Variants in THRB observed in about 807,000 individuals in gnomAD.
The protein encoded by THRB is thyroid hormone receptor beta.
A neutral mutation model predicts 47.8 loss-of-function variants in THRB; 12 were observed. That is an observed-to-expected ratio of 0.25 (90% confidence interval 0.16 to 0.41). THRB has a LOEUF of 0.41. Ranked by LOEUF, THRB falls within the 10% of genes least tolerant of loss-of-function variation. The pLI, the probability that THRB is intolerant of heterozygous loss-of-function variation, is 1.00. For missense variants in THRB, 348 were observed against 589.2 expected, an observed-to-expected ratio of 0.59 and a Z score of 4.24; for synonymous variants, 218 against 212.2, an observed-to-expected ratio of 1.03 and a Z score of -0.24.
rs1382498220 is a variant in THRB at position 24,436,775 on chromosome 3, T to G, written c.-261+57877A>C. On this transcript the variant is annotated intron_variant, in intron 1 of 10. Coordinates refer to ENST00000646209, the MANE Select transcript of THRB (RefSeq NM_001354712.2). The stretch of plus-strand genomic sequence containing the variant: ...TGGGCCAAGCTTCTTCGAAATGCTC[T>G]GAGCACTTCTCATTTACCAGGAAAG... Among the ~76,000 whole-genome samples the G allele has an allele frequency of 2.0e-5, 3 of 152,182 alleles. No homozygotes were observed. In the East Asian group the frequency reaches 5.8e-4, roughly 29 times the overall value.
At chr3:24,297,194 T>G (rs1182012832) in intron 3 of THRB, 32 bp downstream of exon 3, 1 of 152,238 alleles carries the variant, frequency 6.6e-6, no homozygotes, top group East Asian at 1.9e-4. Flanking sequence ...CCATTTCTTA[T>G]CACCACACAG....
chr3:24,201,921 T>C (rs573753661), intron 4 of THRB, among the ~76,000 whole-genome samples: 1 of 152,290 alleles, frequency 6.6e-6, no homozygotes, highest in South Asian at 2.1e-4. Context: ...TAGGCACTCA[T>C]TTTGATCAGT....
chr3:24,200,822 T>C (rs1014686832), intron 4 of THRB, among the ~76,000 whole-genome samples: 1 of 152,210 alleles, frequency 6.6e-6, no homozygotes, highest in Non-Finnish European at 1.5e-5. Flanking sequence ...TAATAGCAGG[T>C]GAGGTTTTTA....
At chr3:24,168,831 GA>G (rs571112071) in intron 5 of THRB, among the ~76,000 whole-genome samples, 189 of 151,798 alleles carry the variant, frequency 1.2e-3, no homozygotes, top group Non-Finnish European at 1.9e-3. Context: ...GGCACGCTAG[GA>G]AAGAACGAAA....
At chr3:24,170,324 G>T (rs75718495) in intron 5 of THRB, among the ~76,000 whole-genome samples, 2 of 152,070 alleles carry the variant, frequency 1.3e-5, no homozygotes, top group Non-Finnish European at 2.9e-5. Context: ...CTGCCATCTC[G>T]CAGTCCAATC....
intron 6 of THRB, among the ~76,000 whole-genome samples, chr3:24,151,325 T>G (rs1420883660): frequency 6.6e-6 from 1 of 152,088 alleles, no homozygotes; most frequent in Non-Finnish European, 1.5e-5. Context: ...TGAGCTAACA[T>G]GTTGATTTGG....
At chr3:24,303,562 G>A (rs2057113659) in intron 2 of THRB, among the ~76,000 whole-genome samples, 1 of 152,106 alleles carries the variant, frequency 6.6e-6, no homozygotes, top group Non-Finnish European at 1.5e-5. Context: ...GTGCAAGCAG[G>A]CCCAGCTGAG....
chr3:24,198,460 CCCCCCCT>C (rs1234215220), intron 4 of THRB, among the ~76,000 whole-genome samples: 1 of 93,694 alleles, frequency 1.1e-5, no homozygotes, highest in African/African-American at 3.6e-5. Context: ...CCGCCCCCCC[CCCCCCCT>C]TTTTTTTTTA....
chr3:24,256,876 A>G (rs565313064), intron 3 of THRB, among the ~76,000 whole-genome samples: 2 of 152,326 alleles, frequency 1.3e-5, no homozygotes, highest in South Asian at 2.1e-4. Flanking sequence ...TTGAACAGAG[A>G]TATTTAGTAG....
At chr3:24,463,144 G>A (rs2073843304) in intron 1 of THRB, among the ~76,000 whole-genome samples, 1 of 152,210 alleles carries the variant, frequency 6.6e-6, no homozygotes, top group Admixed American at 6.5e-5. Context: ...AGAAATATCT[G>A]AAACCTTAAT....
intron 1 of THRB, among the ~76,000 whole-genome samples, chr3:24,362,206 C>T (rs59516705): frequency 0.016 from 2,369 of 152,208 alleles, 77 homozygotes; most frequent in African/African-American, 0.055. Flanking sequence ...GTGCCACAGG[C>T]GAAGTCCCTT....
intron 1 of THRB, among the ~76,000 whole-genome samples, chr3:24,472,391 T>G (rs1694833775): frequency 6.6e-6 from 1 of 152,174 alleles, no homozygotes; most frequent in Non-Finnish European, 1.5e-5. Flanking sequence ...TCTATAGGAA[T>G]CCAGCCCTCA....
At chr3:24,354,953 G>T (rs1354747518) in intron 1 of THRB, among the ~76,000 whole-genome samples, 1 of 152,100 alleles carries the variant, frequency 6.6e-6, no homozygotes, top group Non-Finnish European at 1.5e-5. Context: ...AGGCAGAATG[G>T]ATATTAAAAC....
chr3:24,330,023 C>T (rs765033126), intron 2 of THRB, among the ~76,000 whole-genome samples: 23 of 152,336 alleles, frequency 1.5e-4, no homozygotes, highest in African/African-American at 5.3e-4. Flanking sequence ...GATTTCATTT[C>T]GGCCAGGCGC....
intron 2 of THRB, among the ~76,000 whole-genome samples, chr3:24,324,775 T>C (rs937191145): frequency 6.6e-6 from 1 of 152,190 alleles, no homozygotes; most frequent in East Asian, 1.9e-4. Flanking sequence ...GTCCATGTAA[T>C]CTGTTGGTTG....
intron 1 of THRB, among the ~76,000 whole-genome samples, chr3:24,351,958 A>G (rs996201406): frequency 1.3e-5 from 2 of 152,172 alleles, no homozygotes. Context: ...TGAGAAACAC[A>G]AAGACACTTT....
intron 4 of THRB, among the ~76,000 whole-genome samples, chr3:24,192,033 C>T (rs1451415324): frequency 6.6e-6 from 1 of 152,120 alleles, no homozygotes; most frequent in Non-Finnish European, 1.5e-5. Context: ...ATTATATAAA[C>T]ATAGATTCTT....
intron 1 of THRB, among the ~76,000 whole-genome samples, chr3:24,366,985 T>C (rs943938335): frequency 3.1e-4 from 47 of 152,288 alleles, no homozygotes; most frequent in Middle Eastern, 6.8e-3. Context: ...AATTTTTTTT[T>C]CTGTGACTGT....
intron 5 of THRB, among the ~76,000 whole-genome samples, chr3:24,183,406 G>A (rs1432938017): frequency 2.3e-5 from 3 of 131,384 alleles, no homozygotes; most frequent in East Asian, 2.2e-4. Flanking sequence ...TCACTCTGTC[G>A]CCCAGGCTGG....
Sources: gnomAD v4.1 joint callset for allele counts (sites outside exome capture counted in the v4.1 genomes callset) on GRCh38, gnomAD v4.1.1 for gene constraint, MANE v1.5 for transcripts, NCBI Gene and HGNC (gene_info 2026-07-23, HGNC 2026-07-21) for gene names.